Variants in EDDM13 observed in about 807,000 individuals in gnomAD.
EDDM13 encodes epididymal protein 13.
EDDM13 carries 24 observed loss-of-function variants against 17.8 expected under a neutral mutation model. That is an observed-to-expected ratio of 1.35 (90% CI 0.98 to 1.90). The LOEUF is 1.90. Among genes scored for constraint, EDDM13 ranks in the 40% most tolerant of loss-of-function variants. The pLI, the probability that EDDM13 is intolerant of heterozygous loss-of-function variation, is 0.00. For missense variants in EDDM13, 97 were observed against 100.8 expected, an observed-to-expected ratio of 0.96 and a Z score of 0.16; for synonymous variants, 31 against 37.5, an observed-to-expected ratio of 0.83 and a Z score of 0.63.
chr19:56,307,993 C>T (rs2040805979), intron 14 of EDDM13, among the ~76,000 whole-genome samples: 1 of 152,190 alleles, frequency 6.6e-6, no homozygotes, highest in African/African-American at 2.4e-5. Context: ...AACTTTTCTC[C>T]ACTTCTCTTG....
At chr19:56,280,207 A>G (rs1455246646) in intron 2 of EDDM13, among the ~76,000 whole-genome samples, 1 of 152,172 alleles carries the variant, frequency 6.6e-6, no homozygotes, top group Non-Finnish European at 1.5e-5. Flanking sequence ...TTCTGTATGC[A>G]CCTTACTTTT....
intron 14 of EDDM13, among the ~76,000 whole-genome samples, chr19:56,308,526 G>A (rs1394111772): frequency 6.6e-6 from 1 of 151,576 alleles, no homozygotes; most frequent in Admixed American, 6.6e-5. Context: ...GTTTCACCAT[G>A]TTGTCCAGGC....
chr19:56,273,937 G>A (rs1212408584), intron 1 of EDDM13, among the ~76,000 whole-genome samples: 9 of 152,116 alleles, frequency 5.9e-5, no homozygotes, highest in Non-Finnish European at 1.3e-4. Flanking sequence ...GGATTAGGTG[G>A]GAATCAGATT....
rs771348952 is a variant in EDDM13, at chr19:56,297,548, G to A, written c.295+17G>A. ...AGGAGGAAGGTAAGTGCTTGGGGTCGTACCATTCCTCATCTATAAGACAGT... is the reference window on the plus strand; with the variant it reads ...AGGAGGAAGGTAAGTGCTTGGGGTCATACCATTCCTCATCTATAAGACAGT... On this transcript the variant is annotated intron_variant, in intron 12 of 14. Transcript: ENST00000649256. 18 of 983,050 alleles carry A rather than the reference G, an allele frequency of 1.8e-5. No homozygotes were observed. Among genetic ancestry groups the A allele is most frequent in the Non-Finnish European group, 1.8e-5 (15 of 828,150 alleles). 60.9% of individuals were successfully genotyped at this position (983,050 alleles called of 1,614,324 possible). A position where few individuals can be genotyped will look rare whatever the true frequency, so the allele number is the denominator to read the frequency against.
At chr19:56,276,386 G>A (rs778285766) in intron 2 of EDDM13, among the ~76,000 whole-genome samples, 4 of 151,988 alleles carry the variant, frequency 2.6e-5, no homozygotes, top group Non-Finnish European at 4.4e-5. Context: ...GAGAGACTTC[G>A]GGCAGATCTC....
At chr19:56,278,579 G>T (rs2038442566) in intron 2 of EDDM13, among the ~76,000 whole-genome samples, 1 of 152,228 alleles carries the variant, frequency 6.6e-6, no homozygotes, top group Non-Finnish European at 1.5e-5. Context: ...TACATATATA[G>T]ATAAAGATAT....
At chr19:56,295,161 A>AT (rs1368330011) in intron 9 of EDDM13, 3 of 152,240 alleles carry the variant, frequency 2.0e-5, no homozygotes, top group African/African-American at 7.2e-5. Context: ...TGGGTGAGTC[A>AT]TAAGTTATGT....
chr19:56,291,036 G>A (rs1024277455), intron 9 of EDDM13, among the ~76,000 whole-genome samples, 190 bp downstream of exon 9: 1 of 152,190 alleles, frequency 6.6e-6, no homozygotes, highest in Non-Finnish European at 1.5e-5. Flanking sequence ...CAGATTGTGT[G>A]GAGAGCCGTG....
At chr19:56,305,571 C>A (rs189203655) in intron 14 of EDDM13, among the ~76,000 whole-genome samples, 120 of 152,236 alleles carry the variant, frequency 7.9e-4, no homozygotes, top group African/African-American at 2.8e-3. Flanking sequence ...GTTTTAAAAT[C>A]TTTTGGGGTA....
intron 2 of EDDM13, among the ~76,000 whole-genome samples, chr19:56,280,978 A>G (rs2038651022): frequency 6.6e-6 from 1 of 152,192 alleles, no homozygotes; most frequent in Non-Finnish European, 1.5e-5. Flanking sequence ...AAATTCACAT[A>G]TAACTTTTGA....
At chr19:56,289,535 T>G in intron 8 of EDDM13, among the ~76,000 whole-genome samples, 1 of 152,196 alleles carries the variant, frequency 6.6e-6, no homozygotes, top group Non-Finnish European at 1.5e-5. Flanking sequence ...TGTCCATCTT[T>G]TAGTACATGT....
At chr19:56,275,443 C>T (rs1244186316) in intron 1 of EDDM13, among the ~76,000 whole-genome samples, 4 of 152,052 alleles carry the variant, frequency 2.6e-5, no homozygotes, top group South Asian at 2.1e-4. Flanking sequence ...GGATATTTAT[C>T]GTATTGGTTG....
chr19:56,304,989 C>T (rs1376529927), intron 14 of EDDM13, among the ~76,000 whole-genome samples, 159 bp downstream of exon 14: 1 of 152,128 alleles, frequency 6.6e-6, no homozygotes, highest in African/African-American at 2.4e-5. Flanking sequence ...GTTCGTCACC[C>T]TTACTTGCAA....
chr19:56,309,563 T>G (rs1380530683), intron 14 of EDDM13, among the ~76,000 whole-genome samples: 3 of 152,192 alleles, frequency 2.0e-5, no homozygotes, highest in Non-Finnish European at 4.4e-5. Flanking sequence ...CCTGCTCACA[T>G]AGACTGTGAG....
chr19:56,277,406 A>G (rs534004406), intron 2 of EDDM13, among the ~76,000 whole-genome samples: 1 of 152,278 alleles, frequency 6.6e-6, no homozygotes, highest in African/African-American at 2.4e-5. Context: ...CCTTGAAAAC[A>G]TTATTCTCAG....
chr19:56,284,171 T>C, intron 4 of EDDM13, 27 bp from the exon 5 acceptor site: 1 of 985,508 alleles, frequency 1.0e-6, no homozygotes. Context: ...GCCACCATGC[T>C]GACTCTCCTG....
intron 2 of EDDM13, among the ~76,000 whole-genome samples, chr19:56,276,506 C>CTT (rs3059506): frequency 1.4e-5 from 2 of 139,744 alleles, no homozygotes; most frequent in East Asian, 2.1e-4. Flanking sequence ...CTAAAGAGCT[C>CTT]TTTTTTTTTT....
chr19:56,292,930 G>A (rs954140695), intron 9 of EDDM13, among the ~76,000 whole-genome samples: 2 of 152,208 alleles, frequency 1.3e-5, no homozygotes, highest in African/African-American at 2.4e-5. Flanking sequence ...ATACTCCATT[G>A]CATGGATAGA....
chr19:56,302,571 T>TCCTTCCTCCCTCCCTCC (rs1390574819), intron 13 of EDDM13, among the ~76,000 whole-genome samples: 1 of 63,266 alleles, frequency 1.6e-5, no homozygotes, highest in Non-Finnish European at 2.7e-5. Flanking sequence ...CCCCTTCCTT[T>TCCTTCCTCCCTCCCTCC]TCTTCCTCCC....
Sources: allele counts gnomAD v4.1 joint callset (sites outside exome capture counted in the v4.1 genomes callset), GRCh38; gene constraint gnomAD v4.1.1; transcripts MANE v1.5; gene names NCBI Gene and HGNC (gene_info 2026-07-23, HGNC 2026-07-21).